The following CTNNA3 variants were observed in gnomAD, a reference collection of about 807,000 sequenced individuals.
CTNNA3 encodes the protein catenin alpha-3.
CTNNA3 carries 76 observed loss-of-function variants against 95.7 expected under a neutral mutation model. That is an observed-to-expected ratio of 0.79 (90% CI 0.66 to 0.96). CTNNA3 has a LOEUF of 0.96. Among genes scored for constraint, CTNNA3 ranks in the 40% least tolerant of loss-of-function variants. The pLI is 0.00. For missense variants in CTNNA3, 1,191 were observed against 1,089.8 expected (o/e 1.09, Z -1.31); for synonymous variants, 431 against 374.4 (o/e 1.15, Z -1.74).
chr10:67,340,930 G>T (rs1842161346), intron 5 of CTNNA3, among the ~76,000 whole-genome samples: 1 of 152,190 alleles, frequency 6.6e-6, no homozygotes. Context: ...TAAAGGGATG[G>T]AGGAAGTAGA....
At position 67,532,948 on chromosome 10, in the gene CTNNA3, T is replaced by C. The variant is rs753490545; in HGVS notation, c.459+6555A>G. ...AAGGTCTCCATGCTGCCAAAAGCCA[T>C]GTTTTCTTCCCACGATGTCCTGACC... On this transcript the variant is annotated intron_variant, in intron 4 of 17. Transcript: ENST00000433211. Among the ~76,000 whole-genome samples the C allele has an allele frequency of 2.0e-4, 30 of 152,112 alleles. 1 individual carries two copies. Among genetic ancestry groups the C allele is most frequent in the Non-Finnish European group, 2.2e-4 (15 of 68,002 alleles).
intron 5 of CTNNA3, among the ~76,000 whole-genome samples, chr10:67,482,182 T>C (rs1161500196): frequency 6.6e-6 from 1 of 150,878 alleles, no homozygotes; most frequent in Non-Finnish European, 1.5e-5. Flanking sequence ...TCAGGTAGTG[T>C]GATGCCTCCA....
chr10:66,750,921 A>T (rs148038103), intron 9 of CTNNA3, among the ~76,000 whole-genome samples: 1 of 152,236 alleles, frequency 6.6e-6, no homozygotes, highest in Non-Finnish European at 1.5e-5. Context: ...TTAAATTTAT[A>T]CCTAAGTATT....
intron 4 of CTNNA3, among the ~76,000 whole-genome samples, chr10:67,527,108 T>C (rs1413172449): frequency 6.6e-6 from 1 of 151,894 alleles, no homozygotes; most frequent in Non-Finnish European, 1.5e-5. Context: ...AATACAAAAA[T>C]TAGTCAGGTG....
At chr10:66,074,436 T>A (rs1009626064) in intron 14 of CTNNA3, among the ~76,000 whole-genome samples, 2 of 151,978 alleles carry the variant, frequency 1.3e-5, no homozygotes, top group African/African-American at 4.8e-5. Context: ...AGCTTTTCAA[T>A]CTCATCCCAT....
chr10:67,050,927 C>G (rs1855050622), intron 7 of CTNNA3, among the ~76,000 whole-genome samples: 1 of 152,176 alleles, frequency 6.6e-6, no homozygotes. Context: ...CAGCACAAAT[C>G]ACATTATTTG....
intron 10 of CTNNA3, among the ~76,000 whole-genome samples, chr10:66,598,397 G>A (rs1843799842): frequency 6.6e-6 from 1 of 151,988 alleles, no homozygotes; most frequent in South Asian, 2.1e-4. Flanking sequence ...CATTGTACTG[G>A]AAGTCTTACC....
At chr10:67,307,961 A>C (rs1268459857) in intron 5 of CTNNA3, among the ~76,000 whole-genome samples, 1 of 152,182 alleles carries the variant, frequency 6.6e-6, no homozygotes, top group Non-Finnish European at 1.5e-5. Flanking sequence ...TGCTAGAGTC[A>C]AGATCCATGA....
At chr10:66,623,630 C>T (rs550833719) in intron 9 of CTNNA3, among the ~76,000 whole-genome samples, 2 of 152,186 alleles carry the variant, frequency 1.3e-5, no homozygotes, top group South Asian at 4.1e-4. Flanking sequence ...ATCATACTAA[C>T]ACTCTTTTTG....
intron 5 of CTNNA3, among the ~76,000 whole-genome samples, chr10:67,240,465 T>C (rs1251581268): frequency 6.6e-6 from 1 of 152,130 alleles, no homozygotes; most frequent in African/African-American, 2.4e-5. Context: ...AGGCTTCAGG[T>C]AAAAGAAAGT....
At chr10:66,348,883 C>A (rs1344021902) in intron 12 of CTNNA3, among the ~76,000 whole-genome samples, 1 of 151,872 alleles carries the variant, frequency 6.6e-6, no homozygotes, top group African/African-American at 2.4e-5. Flanking sequence ...CTACTGGTAC[C>A]AGGGGATTTA....
chr10:65,941,701 T>C (rs2077432735), intron 17 of CTNNA3, among the ~76,000 whole-genome samples: 1 of 152,214 alleles, frequency 6.6e-6, no homozygotes, highest in Non-Finnish European at 1.5e-5. Context: ...CCCCATTTCA[T>C]ATTTAGTATC....
intron 12 of CTNNA3, among the ~76,000 whole-genome samples, chr10:66,292,981 C>T (rs2091710597): frequency 6.6e-6 from 1 of 152,088 alleles, no homozygotes; most frequent in African/African-American, 2.4e-5. Flanking sequence ...TCCTTCTATC[C>T]TTCTATGCAT....
At chr10:67,498,347 T>C (rs1250626462) in intron 5 of CTNNA3, among the ~76,000 whole-genome samples, 3 of 152,214 alleles carry the variant, frequency 2.0e-5, no homozygotes, top group African/African-American at 7.2e-5. Flanking sequence ...CCTTGTAGTA[T>C]AGTTTGAAGT....
chr10:67,294,649 G>T (rs906851139), intron 5 of CTNNA3, among the ~76,000 whole-genome samples: 2 of 152,170 alleles, frequency 1.3e-5, no homozygotes, highest in Non-Finnish European at 2.9e-5. Context: ...ACTGAGACAG[G>T]AGTTAAAAAG....
At chr10:66,049,985 C>T (rs1172168776) in intron 15 of CTNNA3, among the ~76,000 whole-genome samples, 2 of 151,974 alleles carry the variant, frequency 1.3e-5, no homozygotes, top group Non-Finnish European at 2.9e-5. Context: ...GAACCACACA[C>T]ACAAAAAAGA....
intron 12 of CTNNA3, among the ~76,000 whole-genome samples, chr10:66,326,269 C>T (rs1323932563): frequency 6.6e-6 from 1 of 152,108 alleles, no homozygotes; most frequent in Non-Finnish European, 1.5e-5. Flanking sequence ...ACATGTTACG[C>T]TTCACTCTTA....
intron 2 of CTNNA3, among the ~76,000 whole-genome samples, chr10:67,628,196 T>C (rs1403917283): frequency 6.6e-6 from 1 of 151,258 alleles, no homozygotes; most frequent in Admixed American, 6.6e-5. Flanking sequence ...AAGATTTTCA[T>C]ATAGTATCAA....
chr10:66,634,720 C>G lies in CTNNA3; in HGVS notation c.1282-12936G>C, dbSNP rs1845276652. On this transcript the variant is annotated intron_variant, in intron 9 of 17. Transcript: ENST00000433211. ...CCTCCAATTCTATTCAAATTTGTGT[C>G]TGAAATTCTTGTCCCTCTCAAATAA... Among the ~76,000 whole-genome samples the G allele has an allele frequency of 2.0e-5, 3 of 151,908 alleles. No individual in the cohort carries two copies. In the South Asian group the frequency reaches 6.2e-4, roughly 32 times the overall value.
Sources: gnomAD v4.1 joint callset for allele counts (sites outside exome capture counted in the v4.1 genomes callset) on GRCh38, gnomAD v4.1.1 for gene constraint, MANE v1.5 for transcripts, NCBI Gene and HGNC (gene_info 2026-07-23, HGNC 2026-07-21) for gene names.